Variants in SRRM4 observed in about 807,000 individuals in gnomAD.
SRRM4 encodes the protein serine/arginine repetitive matrix 4.
Under a neutral mutation model 68.9 loss-of-function variants are expected in SRRM4, and 33 were observed. That is an observed-to-expected ratio of 0.48 (90% CI 0.36 to 0.64). The LOEUF is 0.64. Among genes scored for constraint, SRRM4 ranks in the 30% least tolerant of loss-of-function variants. The pLI, the probability that SRRM4 is intolerant of heterozygous loss-of-function variation, is 0.00. For missense variants in SRRM4, 817 were observed against 827.1 expected, an observed-to-expected ratio of 0.99 and a Z score of 0.15; for synonymous variants, 318 against 318.8, an observed-to-expected ratio of 1.00 and a Z score of 0.03.
chr12:119,012,747 A>G (rs538618719), intron 1 of SRRM4, among the ~76,000 whole-genome samples: 1 of 152,100 alleles, frequency 6.6e-6, no homozygotes, highest in South Asian at 2.1e-4. Context: ...AGACCCTACA[A>G]TGTTCCTTTA....
intron 1 of SRRM4, among the ~76,000 whole-genome samples, chr12:119,072,012 G>T (rs980052407): frequency 1.2e-4 from 18 of 152,206 alleles, no homozygotes; most frequent in African/African-American, 4.3e-4. Flanking sequence ...TTTGATCATT[G>T]CCTCTGCCAC....
chr12:119,126,695 G>A (rs1477897374), intron 7 of SRRM4, among the ~76,000 whole-genome samples: 1 of 152,208 alleles, frequency 6.6e-6, no homozygotes, highest in Non-Finnish European at 1.5e-5. Flanking sequence ...AAGGGAAGGA[G>A]AAGAGCAAGA....
In SRRM4 at chr12:119,145,696, C is replaced by A; in HGVS notation, c.1076+11C>A. On this transcript the variant is annotated intron_variant, in intron 9 of 12. Transcript: ENST00000267260. ...GGGCAGAGAGTCAAGGTCAGTGCAC[C>A]ACACAGGGTCGGGGGTAGACGGTCT... The A allele has an allele frequency of 6.7e-7, 1 of 1,503,378 alleles. No homozygotes were observed. The highest frequency in any genetic ancestry group is 8.9e-7 in the Non-Finnish European group (1 of 1,126,626). 93.1% of individuals were successfully genotyped at this position (1,503,378 alleles called of 1,614,324 possible).
chr12:119,114,660 CTTTTTTTTTTT>C (rs68020424), intron 3 of SRRM4, among the ~76,000 whole-genome samples: 1 of 101,388 alleles, frequency 9.9e-6, no homozygotes, highest in Non-Finnish European at 2.0e-5. Flanking sequence ...GAAGCATAGT[CTTTTTTTTTTT>C]TTTTTTTTTT....
In SRRM4 at chr12:119,154,214, C is replaced by G; in HGVS notation, c.1392-29C>G. On this transcript the variant is annotated intron_variant, in intron 11 of 12. Coordinates refer to ENST00000267260, the MANE Select transcript of SRRM4 (RefSeq NM_194286.4). This position sits in a 1 kb window ranked among gnomAD's most constrained non-coding sequence, Gnocchi z 4.7. ...CGCAGAAAATCCAGCCCAGCCCCAG[C>G]TCCCCAGTAACCCCCCGCGCCCCTT... 1 of 1,574,952 alleles carries G rather than the reference C, an allele frequency of 6.3e-7. No homozygotes were observed. Among genetic ancestry groups the G allele is most frequent in the Non-Finnish European group, 8.6e-7 (1 of 1,157,418 alleles).
Position 118,986,507 on chromosome 12 carries a change from G to A in SRRM4, c.131+4494G>A, listed in dbSNP as rs552432220. Among the ~76,000 whole-genome samples, 3 of 152,250 alleles carry A rather than the reference G, an allele frequency of 2.0e-5. No individual in the cohort carries two copies. The East Asian group carries it at 5.8e-4, about 29-fold the overall frequency. On this transcript the variant is annotated intron_variant, in intron 1 of 12. Coordinates refer to ENST00000267260, the MANE Select transcript of SRRM4 (RefSeq NM_194286.4). ...TTGGATGCATTAATTAGATGAATGT[G>A]CATGGTTCAAACCCAGCAACAGATT...
chr12:119,087,702 C>A (rs970070804), intron 1 of SRRM4, among the ~76,000 whole-genome samples: 3 of 152,048 alleles, frequency 2.0e-5, no homozygotes, highest in Non-Finnish European at 4.4e-5. Context: ...GATGGAATAG[C>A]AGTCAGCATG....
intron 1 of SRRM4, among the ~76,000 whole-genome samples, chr12:119,051,596 A>G (rs1371339516): frequency 1.3e-5 from 2 of 152,246 alleles, no homozygotes; most frequent in East Asian, 3.8e-4. Context: ...ACTAGACTAC[A>G]GAAGAAAATT....
chr12:119,031,506 A>T (rs953484531), intron 1 of SRRM4, among the ~76,000 whole-genome samples: 1 of 152,168 alleles, frequency 6.6e-6, no homozygotes, highest in Admixed American at 6.5e-5. Context: ...ATTATTAGGG[A>T]TCATCTTGGA....
chr12:119,073,730 C>A (rs1374059712), intron 1 of SRRM4, among the ~76,000 whole-genome samples: 2 of 152,168 alleles, frequency 1.3e-5, no homozygotes, highest in African/African-American at 4.8e-5. Flanking sequence ...AAGCAACCCT[C>A]CTACCTCAGC....
Position 119,111,659 on chromosome 12 carries a change from G to A in SRRM4, c.279-2619G>A, listed in dbSNP as rs76581406. 6.1e-3 allele frequency among the ~76,000 whole-genome samples: 933 copies of A among 152,220 alleles called. 41 individuals carry two copies. In the East Asian group the frequency reaches 0.12, roughly 19 times the overall value. On this transcript the variant is annotated intron_variant, in intron 2 of 12. Transcript: ENST00000267260. Reference sequence around the variant, plus strand: ...TCTATGAAACAAGATGATTTAACAAGAAGCTCAATTATTTCATTCATTTAT... The same window carrying A: ...TCTATGAAACAAGATGATTTAACAAAAAGCTCAATTATTTCATTCATTTAT...
chr12:118,987,026 C>T (rs563254676), intron 1 of SRRM4, among the ~76,000 whole-genome samples: 109 of 152,150 alleles, frequency 7.2e-4, no homozygotes, highest in African/African-American at 2.4e-3. Flanking sequence ...CTAAGACTTT[C>T]GCTGAAGTGT....
intron 1 of SRRM4, among the ~76,000 whole-genome samples, chr12:118,985,764 C>T (rs773673418): frequency 2.0e-5 from 3 of 152,154 alleles, no homozygotes; most frequent in Non-Finnish European, 2.9e-5. Flanking sequence ...AGTTTCAGCT[C>T]GGTGAAAACC....
At chr12:119,090,117 A>T (rs1954004976) in intron 1 of SRRM4, among the ~76,000 whole-genome samples, 1 of 152,182 alleles carries the variant, frequency 6.6e-6, no homozygotes, top group Non-Finnish European at 1.5e-5. Flanking sequence ...CTTAGGAATC[A>T]GGCAGACTCG....
intron 4 of SRRM4, among the ~76,000 whole-genome samples, chr12:119,117,540 A>G (rs969692887): frequency 6.6e-6 from 1 of 152,084 alleles, no homozygotes; most frequent in African/African-American, 2.4e-5. Flanking sequence ...ATGGGGATGC[A>G]GTGACGGTAG....
At chr12:119,026,178 A>G (rs978894696) in intron 1 of SRRM4, among the ~76,000 whole-genome samples, 2 of 152,018 alleles carry the variant, frequency 1.3e-5, no homozygotes, top group African/African-American at 4.8e-5. Context: ...AATTTATGTC[A>G]TGAAAAAAAT....
intron 1 of SRRM4, among the ~76,000 whole-genome samples, chr12:119,041,324 T>C (rs1854017401): frequency 1.3e-5 from 2 of 152,200 alleles, no homozygotes; most frequent in South Asian, 4.1e-4. Context: ...ATTGGGCCGC[T>C]TAACTTGTGG....
At chr12:119,052,521 TTTTG>T (rs879635038) in intron 1 of SRRM4, among the ~76,000 whole-genome samples, 17 of 141,144 alleles carry the variant, frequency 1.2e-4, no homozygotes, top group Admixed American at 5.5e-4. Flanking sequence ...GTTGTTGTTG[TTTTG>T]TTTGTTTATT....
rs1054258204 is a variant in SRRM4 at position 119,120,449 on chromosome 12, C to A, written c.464+173C>A. ...GTCTGGGCTGTTTTTTCTGAGTATT[C>A]CAAGCCAGCTTTTGACTTCCATCAG... On this transcript the variant is annotated intron_variant, in intron 5 of 12. Coordinates refer to ENST00000267260, the MANE Select transcript of SRRM4 (RefSeq NM_194286.4). 5.9e-5 allele frequency among the ~76,000 whole-genome samples: 9 copies of A among 152,198 alleles called. 1 individual carries two copies. The South Asian group carries it at 8.3e-4, about 14-fold the overall frequency.
Sources: gnomAD v4.1 joint callset for allele counts (sites outside exome capture counted in the v4.1 genomes callset) on GRCh38, gnomAD v4.1.1 for gene constraint, Gnocchi (gnomAD v3.1) non-coding constraint, MANE v1.5 for transcripts, NCBI Gene and HGNC (gene_info 2026-07-23, HGNC 2026-07-21) for gene names.